The following NRG1 variants were observed in gnomAD, a reference collection of about 807,000 sequenced individuals.
NRG1 encodes pro-neuregulin-1, membrane-bound isoform.
A neutral mutation model predicts 63.8 loss-of-function variants in NRG1; 18 were observed. The ratio of observed to expected loss-of-function variants is 0.28; its 90% confidence interval spans 0.19 to 0.42. The LOEUF (loss-of-function observed/expected upper bound fraction) is 0.42. Ranked by LOEUF, NRG1 falls within the 10% of genes least tolerant of loss-of-function variation. The pLI is 1.00. For synonymous variants in NRG1, 302 were observed against 301.3 expected (o/e 1.00, Z -0.02); for missense variants, 762 against 814.7 (o/e 0.94, Z 0.79).
intron 1 of NRG1, among the ~76,000 whole-genome samples, chr8:32,317,626 G>A (rs533995189): frequency 3.3e-5 from 5 of 152,126 alleles, no homozygotes. Flanking sequence ...TGGCATGAGG[G>A]TTAGAAATTG....
At chr8:31,697,581 C>A (rs900226119) in intron 1 of NRG1, among the ~76,000 whole-genome samples, 1 of 152,110 alleles carries the variant, frequency 6.6e-6, no homozygotes, top group Non-Finnish European at 1.5e-5. Flanking sequence ...TTGAGGGCCT[C>A]TTTCTTTTTG....
chr8:31,695,563 A>G (rs568969348), intron 1 of NRG1, among the ~76,000 whole-genome samples: 3 of 152,202 alleles, frequency 2.0e-5, no homozygotes, highest in African/African-American at 4.8e-5. Context: ...CCATGACCCA[A>G]TCACTTCCCA....
At chr8:32,444,023 T>A (rs1443734033) in intron 1 of NRG1, among the ~76,000 whole-genome samples, 1 of 141,016 alleles carries the variant, frequency 7.1e-6, no homozygotes, top group African/African-American at 2.5e-5. Flanking sequence ...TTCCTTTCTT[T>A]CTTTTCCTTC....
chr8:31,771,386 C>A (rs999049938), intron 1 of NRG1, among the ~76,000 whole-genome samples: 13 of 152,068 alleles, frequency 8.5e-5, no homozygotes, highest in African/African-American at 2.9e-4. Context: ...TGTTGAAGGG[C>A]ATTTGGGTTT....
At chr8:32,210,545 A>G (rs1253779683) in intron 1 of NRG1, among the ~76,000 whole-genome samples, 2 of 152,202 alleles carry the variant, frequency 1.3e-5, no homozygotes, top group African/African-American at 4.8e-5. Context: ...GCCATGCGAA[A>G]CTATCTCAGA....
chr8:32,054,624 C>G (rs1822542465), intron 1 of NRG1, among the ~76,000 whole-genome samples: 1 of 152,222 alleles, frequency 6.6e-6, no homozygotes, highest in African/African-American at 2.4e-5. Context: ...TTTGATTTAT[C>G]TGCTGTTATG....
At chr8:31,652,821 C>T (rs10113797) in intron 1 of NRG1, among the ~76,000 whole-genome samples, 75,749 of 152,004 alleles carry the variant, frequency 0.5, 19,186 homozygotes, top group East Asian at 0.7. Context: ...TTGTATAATA[C>T]ATGTGTGATT....
chr8:32,743,215 T>A, intron 7 of NRG1: 1 of 985,742 alleles, frequency 1.0e-6, no homozygotes, highest in Non-Finnish European at 1.2e-6. Context: ...CAAATAAACA[T>A]AATAAAAGGA....
chr8:31,923,022 G>C (rs926365626), intron 1 of NRG1, among the ~76,000 whole-genome samples: 1 of 152,138 alleles, frequency 6.6e-6, no homozygotes, highest in African/African-American at 2.4e-5. Flanking sequence ...GAGCAAGGAA[G>C]AATGAATAGA....
intron 1 of NRG1, among the ~76,000 whole-genome samples, chr8:31,704,704 C>T (rs368719024): frequency 6.0e-5 from 9 of 151,238 alleles, no homozygotes; most frequent in South Asian, 4.2e-4. Flanking sequence ...TGGTGGCGGG[C>T]GCCTGTAGTC....
chr8:32,402,058 C>T (rs565891203), intron 1 of NRG1, among the ~76,000 whole-genome samples: 1 of 152,176 alleles, frequency 6.6e-6, no homozygotes, highest in African/African-American at 2.4e-5. Context: ...ACAACAGGCG[C>T]CTACCACAAC....
At chr8:32,072,304 A>G (rs1475371175) in intron 1 of NRG1, among the ~76,000 whole-genome samples, 1 of 151,476 alleles carries the variant, frequency 6.6e-6, no homozygotes, top group Non-Finnish European at 1.5e-5. Context: ...AAAAAGTAAG[A>G]AAAAGAGGCC....
chr8:32,760,142 T>A, intron 10 of NRG1, 58 bp from the exon 11 acceptor site: 1 of 1,595,384 alleles, frequency 6.3e-7, no homozygotes, highest in Non-Finnish European at 8.6e-7. Context: ...TCATTTCCAT[T>A]TTTTTGCATA....
intron 1 of NRG1, among the ~76,000 whole-genome samples, chr8:31,842,245 T>G (rs1826265908): frequency 6.6e-6 from 1 of 152,222 alleles, no homozygotes; most frequent in Admixed American, 6.5e-5. Flanking sequence ...GATGATTCTT[T>G]CATAAGATCA....
intron 1 of NRG1, among the ~76,000 whole-genome samples, chr8:31,684,395 T>G (rs1365808220): frequency 6.6e-6 from 1 of 152,182 alleles, no homozygotes; most frequent in Non-Finnish European, 1.5e-5. Flanking sequence ...TGTGAAAACA[T>G]AGCATCAAGG....
At chr8:32,420,521 ATCTC>A (rs200897595) in intron 1 of NRG1, among the ~76,000 whole-genome samples, 38 of 145,814 alleles carry the variant, frequency 2.6e-4, no homozygotes, top group South Asian at 6.5e-4. Flanking sequence ...GACCACCCTC[ATCTC>A]TCTCTCTCTC....
intron 1 of NRG1, among the ~76,000 whole-genome samples, chr8:32,142,561 G>A (rs1158185523): frequency 2.0e-5 from 3 of 152,158 alleles, no homozygotes; most frequent in African/African-American, 4.8e-5. Flanking sequence ...TCTAGCTGAG[G>A]TATGCCAGCT....
chr8:32,683,899 A>G (rs111799717), intron 5 of NRG1, among the ~76,000 whole-genome samples: 2,937 of 151,958 alleles, frequency 0.019, 105 homozygotes, highest in African/African-American at 0.068. Context: ...AAAAAAAAAA[A>G]AAAAAGAAAA....
At chr8:32,172,219 GA>G (rs200520072) in intron 1 of NRG1, among the ~76,000 whole-genome samples, 411 of 152,312 alleles carry the variant, frequency 2.7e-3, no homozygotes, top group African/African-American at 9.4e-3. Context: ...CTCCGCTGCT[GA>G]TACCCAGGCA....
Sources: gnomAD v4.1 joint callset for allele counts (sites outside exome capture counted in the v4.1 genomes callset) on GRCh38, gnomAD v4.1.1 for gene constraint, MANE v1.5 for transcripts, NCBI Gene and HGNC (gene_info 2026-07-23, HGNC 2026-07-21) for gene names.